Variants in CCBE1 observed in about 807,000 individuals in gnomAD.
CCBE1 encodes collagen and calcium binding EGF domains 1.
CCBE1 carries 37 observed loss-of-function variants against 50.0 expected under a neutral mutation model. That is an observed-to-expected ratio of 0.74 (90% CI 0.57 to 0.97). The LOEUF is 0.97. Ranked by LOEUF, CCBE1 falls within the 50% of genes least tolerant of loss-of-function variation. The pLI is 0.00. For missense variants in CCBE1, 538 were observed against 523.8 expected (o/e 1.03, Z -0.26); for synonymous variants, 234 against 203.7 (o/e 1.15, Z -1.27).
In CCBE1 at chr18:59,556,671, T is replaced by C. The variant is rs541982256; in HGVS notation, c.213-76433A>G. ...GGTATTATTAGTAGGATAAAATCAGTTCTGAAATTAACAATTATTTGGAAA... is the reference window on the plus strand; with the variant it reads ...GGTATTATTAGTAGGATAAAATCAGCTCTGAAATTAACAATTATTTGGAAA... On this transcript the variant is annotated intron_variant, in intron 2 of 10. Coordinates refer to ENST00000439986, the MANE Select transcript of CCBE1 (RefSeq NM_133459.4). Among the ~76,000 whole-genome samples the C allele has an allele frequency of 2.6e-5, 4 of 152,286 alleles. No individual in the cohort carries two copies. The South Asian group carries it at 8.3e-4, about 32-fold the overall frequency.
At chr18:59,447,950 T>G in intron 7 of CCBE1, 33 bp downstream of exon 7, 1 of 1,613,622 alleles carries the variant, frequency 6.2e-7, no homozygotes, top group East Asian at 2.2e-5. Context: ...TTTCTGTTGG[T>G]GATCACCCTC....
intron 2 of CCBE1, among the ~76,000 whole-genome samples, chr18:59,610,909 G>C (rs995287219): frequency 6.6e-6 from 1 of 152,210 alleles, no homozygotes; most frequent in African/African-American, 2.4e-5. Context: ...GTTTGATGTG[G>C]GCACAGCCCA....
Position 59,696,525 on chromosome 18 carries a change from T to G in CCBE1, c.212+104A>C, listed in dbSNP as rs1458735631. 4 of 1,583,944 alleles carry G rather than the reference T, an allele frequency of 2.5e-6. No homozygotes were observed. The East Asian group carries it at 6.8e-5, about 27-fold the overall frequency. On this transcript the variant is annotated intron_variant, in intron 2 of 10. Transcript: ENST00000439986. ...ACCCAGCAGGTTCCAGCGTAAAAGC[T>G]GCTCCGGTCCCAAGCGCGTCTCCAA...
At chr18:59,490,078 CCAG>C (rs1219168544) in intron 2 of CCBE1, among the ~76,000 whole-genome samples, 1 of 150,910 alleles carries the variant, frequency 6.6e-6, no homozygotes, top group African/African-American at 2.5e-5. Flanking sequence ...CCTCCACCTC[CCAG>C]GTTCAAGTGA....
At chr18:59,437,253 G>T (rs1171956921) in intron 10 of CCBE1, among the ~76,000 whole-genome samples, 1 of 152,224 alleles carries the variant, frequency 6.6e-6, no homozygotes, top group Non-Finnish European at 1.5e-5. Context: ...TCAGAAGCTT[G>T]TAGTAAAATC....
intron 2 of CCBE1, among the ~76,000 whole-genome samples, chr18:59,597,938 C>G (rs1485557032): frequency 3.3e-5 from 5 of 152,146 alleles, no homozygotes; most frequent in African/African-American, 1.2e-4. Context: ...TCTAATCTCT[C>G]TCAAAGAACA....
chr18:59,529,865 C>G (rs1004834608), intron 2 of CCBE1, among the ~76,000 whole-genome samples: 15 of 152,162 alleles, frequency 9.9e-5, no homozygotes, highest in African/African-American at 2.7e-4. Context: ...CCATATGGAT[C>G]TTTTGGAAAA....
chr18:59,497,301 G>A (rs1050649489), intron 2 of CCBE1, among the ~76,000 whole-genome samples: 5 of 152,268 alleles, frequency 3.3e-5, no homozygotes, highest in Middle Eastern at 3.4e-3. Context: ...AGATGCCGTG[G>A]GGGAAGTACA....
intron 2 of CCBE1, among the ~76,000 whole-genome samples, chr18:59,643,295 A>G (rs553781344): frequency 1.3e-5 from 2 of 152,344 alleles, no homozygotes; most frequent in East Asian, 3.9e-4. Context: ...TAAAGAAAAC[A>G]AGCCACCATC....
chr18:59,541,292 G>A (rs967897169), intron 2 of CCBE1, among the ~76,000 whole-genome samples: 3 of 152,318 alleles, frequency 2.0e-5, no homozygotes, highest in Middle Eastern at 3.4e-3. Context: ...CATGACAAAT[G>A]TTCTGATGAT....
At chr18:59,598,360 C>T (rs867415812) in intron 2 of CCBE1, among the ~76,000 whole-genome samples, 1 of 152,206 alleles carries the variant, frequency 6.6e-6, no homozygotes, top group Non-Finnish European at 1.5e-5. Flanking sequence ...GAAGCAGAAT[C>T]GCACTGCCAC....
intron 7 of CCBE1, among the ~76,000 whole-genome samples, chr18:59,445,755 A>C (rs1358233604): frequency 6.6e-6 from 1 of 152,166 alleles, no homozygotes; most frequent in Non-Finnish European, 1.5e-5. Context: ...AGTAGCACAA[A>C]AAAGAGGCCA....
intron 2 of CCBE1, among the ~76,000 whole-genome samples, chr18:59,491,342 G>A (rs1220476459): frequency 2.6e-5 from 4 of 152,080 alleles, no homozygotes; most frequent in Non-Finnish European, 5.9e-5. Context: ...TCCTCACAGG[G>A]TGGATCCATT....
chr18:59,593,828 A>T (rs1033987544), intron 2 of CCBE1, among the ~76,000 whole-genome samples: 1 of 152,266 alleles, frequency 6.6e-6, no homozygotes, highest in African/African-American at 2.4e-5. Context: ...TTGACAACCC[A>T]TTGGTCACTG....
chr18:59,621,004 G>A (rs1568238111), intron 2 of CCBE1, among the ~76,000 whole-genome samples: 1 of 152,196 alleles, frequency 6.6e-6, no homozygotes, highest in African/African-American at 2.4e-5. Context: ...AGGAGTGACA[G>A]AACACACAGA....
intron 2 of CCBE1, among the ~76,000 whole-genome samples, chr18:59,576,794 G>C (rs1397076241): frequency 6.6e-6 from 1 of 152,178 alleles, no homozygotes; most frequent in East Asian, 1.9e-4. Context: ...CGTGTGTCTG[G>C]AATCCATGCA....
chr18:59,548,426 T>C (rs184825045), intron 2 of CCBE1, among the ~76,000 whole-genome samples: 225 of 152,172 alleles, frequency 1.5e-3, no homozygotes, highest in African/African-American at 5.2e-3. Context: ...TGGGTTAGGG[T>C]GAATAGAGAT....
intron 2 of CCBE1, among the ~76,000 whole-genome samples, chr18:59,586,239 A>G (rs1174761427): frequency 6.6e-6 from 1 of 152,222 alleles, no homozygotes; most frequent in Non-Finnish European, 1.5e-5. Context: ...CTCCCTGGGA[A>G]GAAGAGGGAA....
chr18:59,527,123 G>A (rs943112668), intron 2 of CCBE1, among the ~76,000 whole-genome samples: 10 of 152,174 alleles, frequency 6.6e-5, no homozygotes, highest in African/African-American at 2.4e-4. Flanking sequence ...CACTATTATT[G>A]TGTGGAAGTA....
Sources: allele counts gnomAD v4.1 joint callset (sites outside exome capture counted in the v4.1 genomes callset), GRCh38; gene constraint gnomAD v4.1.1; transcripts MANE v1.5; gene names NCBI Gene and HGNC (gene_info 2026-07-23, HGNC 2026-07-21).